HNRNPR: variants seen among roughly 807,000 people sequenced by gnomAD.
HNRNPR encodes heterogeneous nuclear ribonucleoprotein R.
Under a neutral mutation model 70.3 loss-of-function variants are expected in HNRNPR, and 4 were observed. The ratio of observed to expected loss-of-function variants is 0.06; its 90% CI spans 0.03 to 0.13. The LOEUF (loss-of-function observed/expected upper bound fraction) is 0.13. HNRNPR is among the 10% of genes least tolerant of loss of function. The pLI, the probability that HNRNPR is intolerant of heterozygous loss-of-function variation, is 1.00. For synonymous variants in HNRNPR, 241 were observed against 267.6 expected (o/e 0.90, Z 0.97); for missense variants, 423 against 788.5 (o/e 0.54, Z 5.55).
At chr1:23,313,217 C>CAAGTACACA (rs1478479165) in intron 9 of HNRNPR, among the ~76,000 whole-genome samples, 1 of 152,146 alleles carries the variant, frequency 6.6e-6, no homozygotes, top group Non-Finnish European at 1.5e-5. Flanking sequence ...AAACTGAGGT[C>CAAGTACACA]AACTAAGTAG....
rs1569853985 is a variant in HNRNPR, at chr1:23,305,693, T to C, written c.*4761A>G. 1 of 151,330 alleles carries C rather than the reference T, an allele frequency of 6.6e-6. No homozygotes were observed. The highest frequency in any genetic ancestry group is 1.5e-5 in the Non-Finnish European group (1 of 67,926). 9.4% of individuals were successfully genotyped at this position (151,330 alleles called of 1,614,324 possible). A position where few individuals can be genotyped will look rare whatever the true frequency, so the allele number is the denominator to read the frequency against. ...CTATAAGATGAGGGATTTTAATCTT[T>C]AGCAATAATTTAAATATTGACTCTT... On this transcript the variant is annotated 3_prime_UTR_variant, in exon 11 of 11. Coordinates refer to ENST00000302271, the MANE Select transcript of HNRNPR (RefSeq NM_005826.5).
rs1645223806 is a variant in HNRNPR at position 23,307,717 on chromosome 1, G to A, written c.*2737C>T. The A allele has an allele frequency of 6.6e-6, 1 of 151,914 alleles. No homozygotes were observed. The highest frequency in any genetic ancestry group is 6.6e-5 in the Admixed American group (1 of 15,254). The allele number at this position is 151,914 out of a possible 1,614,324, so 9.4% of individuals were successfully genotyped here. A position where few individuals can be genotyped will look rare whatever the true frequency, so the allele number is the denominator to read the frequency against. ...AAATAAAAATTAGTATTCCATTATG[G>A]GGAGGGGCATATTTGTATCGGTCTC... is the stretch of plus-strand genomic sequence containing the variant. On this transcript the variant is annotated 3_prime_UTR_variant, in exon 11 of 11. Coordinates refer to ENST00000302271, the MANE Select transcript of HNRNPR (RefSeq NM_005826.5).
chr1:23,330,811 C>T (rs1388694345), intron 5 of HNRNPR, among the ~76,000 whole-genome samples: 1 of 152,156 alleles, frequency 6.6e-6, no homozygotes, highest in Admixed American at 6.5e-5. Context: ...ACTGCACAGT[C>T]TCAGGCACTG....
At position 23,310,999 on chromosome 1, in the gene HNRNPR, C is replaced by T. The variant is rs748400587; in HGVS notation, c.1357G>A (p.Gly453Arg). Residue 453 changes from glycine to arginine, a missense_variant, in exon 11 of 11, where the codon GGG becomes AGG. By Grantham distance (125) the Gly-to-Arg change is moderately radical. Transcript: ENST00000302271. The surrounding 1 kb of genome is among the most constrained non-coding windows in gnomAD (Gnocchi z 6.0). ...PPPIRGRGRG[G>R]GRGGYGYPPD... ...GGGTAGCCATATCCACCTCTCCCCC[C>T]ACCACGACCCCGACCTCTAATTGGA... 4 of 1,614,194 alleles carry T rather than the reference C, an allele frequency of 2.5e-6. No individual in the cohort carries two copies. The highest frequency in any genetic ancestry group is 2.2e-5 in the East Asian group (1 of 44,888).
intron 9 of HNRNPR, among the ~76,000 whole-genome samples, chr1:23,312,355 T>G (rs1645368865): frequency 6.6e-6 from 1 of 152,258 alleles, no homozygotes. Context: ...AGATATTTTA[T>G]AATTTCATAG....
At position 23,333,635 on chromosome 1, in the gene HNRNPR, G is replaced by C. The variant is rs753439858; in HGVS notation, c.385-4C>G. On this transcript the variant is annotated splice_polypyrimidine_tract_variant and splice_region_variant and intron_variant, in intron 4 of 10. Coordinates refer to ENST00000302271, the MANE Select transcript of HNRNPR (RefSeq NM_005826.5). Reference sequence around the variant, plus strand: ...AACCAGTTCTCTCAAGCAAGGCCTAGAGATAATTATACATCTCTTTATACT... The same window carrying C: ...AACCAGTTCTCTCAAGCAAGGCCTACAGATAATTATACATCTCTTTATACT... 6.5e-7 allele frequency: 1 copy of C among 1,528,958 alleles called. No individual in the cohort carries two copies. The highest frequency in any genetic ancestry group is 1.7e-5 in the Admixed American group (1 of 59,844). 94.7% of individuals were successfully genotyped at this position (1,528,958 alleles called of 1,614,324 possible).
At position 23,305,359 on chromosome 1, in the gene HNRNPR, AT is replaced by A. The variant is rs2148282756; in HGVS notation, c.*5094del. 1 of 152,300 alleles carries A rather than the reference AT, an allele frequency of 6.6e-6. No individual in the cohort carries two copies. Among genetic ancestry groups the A allele is most frequent in the African/African-American group, 2.4e-5 (1 of 41,584 alleles). The allele number at this position is 152,300 out of a possible 1,614,324, so 9.4% of individuals were successfully genotyped here. A position where few individuals can be genotyped will look rare whatever the true frequency, so the allele number is the denominator to read the frequency against. On this transcript the variant is annotated 3_prime_UTR_variant, in exon 11 of 11. Transcript: ENST00000302271. ...TGCAATCACTACAATTCTTAAAAGTATTACATAATTTCATTCTAGTGTTGTA... is the reference window on the plus strand; with the variant it reads ...TGCAATCACTACAATTCTTAAAAGTATACATAATTTCATTCTAGTGTTGTA...
In HNRNPR at chr1:23,337,385, G is replaced by A. The variant is rs1355583985; in HGVS notation, c.384+369C>T. ...TGAAAAGTGAAACTTTCAGCTGGGC[G>A]TGGTGGCTCACGTCTGTAATCCCAG... On this transcript the variant is annotated intron_variant, in intron 4 of 10. Coordinates refer to ENST00000302271, the MANE Select transcript of HNRNPR (RefSeq NM_005826.5). Among the ~76,000 whole-genome samples the A allele has an allele frequency of 3.3e-5, 5 of 152,126 alleles. No individual in the cohort carries two copies. In the East Asian group the frequency reaches 5.8e-4, roughly 18 times the overall value.
chr1:23,311,489 C>A (rs1441292904), intron 9 of HNRNPR, among the ~76,000 whole-genome samples, 167 bp from the exon 10 acceptor site: 3 of 152,212 alleles, frequency 2.0e-5, no homozygotes, highest in Non-Finnish European at 1.5e-5. Flanking sequence ...CACAAACACA[C>A]AAAGAAAATA....
intron 1 of HNRNPR, among the ~76,000 whole-genome samples, chr1:23,343,721 T>G (rs1490337699): frequency 1.3e-5 from 2 of 152,164 alleles, no homozygotes; most frequent in Non-Finnish European, 2.9e-5. Context: ...AAAACTTTTC[T>G]CCCGGCTCAG....
At chr1:23,328,612 G>A (rs1168254132) in intron 5 of HNRNPR, among the ~76,000 whole-genome samples, 9 of 152,214 alleles carry the variant, frequency 5.9e-5, no homozygotes, top group Non-Finnish European at 1.3e-4. Context: ...CAATTCTCCT[G>A]TGTTGGCTTC....
chr1:23,344,156 T>G (rs1570159377), intron 1 of HNRNPR, 55 bp downstream of exon 1: 2 of 137,132 alleles, frequency 1.5e-5, no homozygotes, highest in African/African-American at 5.6e-5. Flanking sequence ...CCGGGCTGAG[T>G]CGGGTCGCAT....
intron 5 of HNRNPR, among the ~76,000 whole-genome samples, chr1:23,326,553 G>A (rs894727867): frequency 6.6e-6 from 1 of 152,196 alleles, no homozygotes; most frequent in African/African-American, 2.4e-5. Context: ...GGGAGGCTGA[G>A]ACGGGCGGAA....
At chr1:23,333,675 C>T (rs758472404) in intron 4 of HNRNPR, 44 bp from the exon 5 acceptor site, 1 of 1,069,242 alleles carries the variant, frequency 9.4e-7, no homozygotes, top group East Asian at 2.4e-5. Context: ...TACTAAATCT[C>T]ACACACAAGC....
chr1:23,337,670 G>C (rs911637801), intron 4 of HNRNPR, 84 bp downstream of exon 4: 1 of 842,406 alleles, frequency 1.2e-6, no homozygotes, highest in Admixed American at 2.3e-5. Context: ...AAAAAAAAGT[G>C]AAACTTTCTA....
intron 5 of HNRNPR, among the ~76,000 whole-genome samples, chr1:23,329,394 T>C (rs1021906443): frequency 1.3e-5 from 2 of 152,210 alleles, no homozygotes; most frequent in Non-Finnish European, 2.9e-5. Context: ...ATACTTTCCT[T>C]TTATTAACTT....
chr1:23,323,514 T>TCAAATAGTGACTTGCTA, intron 6 of HNRNPR, 42 bp downstream of exon 6: 2 of 1,524,834 alleles, frequency 1.3e-6, no homozygotes, highest in Non-Finnish European at 1.8e-6. Context: ...GTTTATTTCC[T>TCAAATAGTGACTTGCTA]CAAATAGTGA....
chr1:23,310,335 T>A lies in HNRNPR; in HGVS notation c.*119A>T. On this transcript the variant is annotated 3_prime_UTR_variant, in exon 11 of 11. Coordinates refer to ENST00000302271, the MANE Select transcript of HNRNPR (RefSeq NM_005826.5). This position sits in a 1 kb window ranked among gnomAD's most constrained non-coding sequence, Gnocchi z 6.0. ...CACAATAGTGATTTCTTCAGCCCAATACAAATGGCAGCAAAATGCTACTTA... is the reference window on the plus strand; with the variant it reads ...CACAATAGTGATTTCTTCAGCCCAAAACAAATGGCAGCAAAATGCTACTTA... 1.1e-6 allele frequency: 1 copy of A among 950,848 alleles called. No individual in the cohort carries two copies. 58.9% of individuals were successfully genotyped at this position (950,848 alleles called of 1,614,324 possible). A position where few individuals can be genotyped will look rare whatever the true frequency, so the allele number is the denominator to read the frequency against.
intron 4 of HNRNPR, among the ~76,000 whole-genome samples, chr1:23,335,890 G>A (rs1646455118): frequency 2.7e-5 from 4 of 149,690 alleles, no homozygotes; most frequent in Admixed American, 1.3e-4. Flanking sequence ...GGCTGAGGCG[G>A]GCGGATCACG....
Sources: allele counts gnomAD v4.1 joint callset (sites outside exome capture counted in the v4.1 genomes callset), GRCh38; gene constraint gnomAD v4.1.1; non-coding constraint Gnocchi (gnomAD v3.1); transcripts MANE v1.5; gene names NCBI Gene and HGNC (gene_info 2026-07-23, HGNC 2026-07-21).